The following DOCK8 variants were observed in gnomAD, a reference collection of about 807,000 sequenced individuals.
The protein encoded by DOCK8 is dedicator of cytokinesis protein 8.
Under a neutral mutation model 245.6 loss-of-function variants are expected in DOCK8, and 141 were observed. The observed-to-expected ratio is 0.57, with a 90% CI of 0.50 to 0.66. The LOEUF is 0.66. Among genes scored for constraint, DOCK8 ranks in the 30% least tolerant of loss-of-function variants. The pLI is 0.00. For missense variants in DOCK8, 2,965 were observed against 2,603.4 expected (o/e 1.14, Z -3.02); for synonymous variants, 1,168 against 970.2 (o/e 1.20, Z -3.79).
At chr9:230,302 G>T (rs1290443864) in intron 1 of DOCK8, among the ~76,000 whole-genome samples, 1 of 69,272 alleles carries the variant, frequency 1.4e-5, no homozygotes. Context: ...CCAGTCTATC[G>T]TTGGGCATTT....
chr9:411,868 T>C (rs2055747570), intron 28 of DOCK8, among the ~76,000 whole-genome samples: 1 of 152,176 alleles, frequency 6.6e-6, no homozygotes, highest in South Asian at 2.1e-4. Context: ...AAGAAAAGCA[T>C]TTAATAAAAT....
chr9:403,709 C>CA (rs980154278), intron 26 of DOCK8, among the ~76,000 whole-genome samples: 40 of 151,286 alleles, frequency 2.6e-4, no homozygotes, highest in African/African-American at 8.7e-4. Flanking sequence ...ACTAAAAATA[C>CA]AAAAAATTAG....
intron 28 of DOCK8, among the ~76,000 whole-genome samples, chr9:410,087 A>G (rs536204520): frequency 6.6e-6 from 1 of 152,324 alleles, no homozygotes; most frequent in South Asian, 2.1e-4. Context: ...TTGAACATCT[A>G]TGACTAGGTT....
chr9:302,163 T>C (rs182852411), intron 4 of DOCK8, among the ~76,000 whole-genome samples: 15 of 152,142 alleles, frequency 9.9e-5, no homozygotes, highest in African/African-American at 3.4e-4. Flanking sequence ...CGTAGACCAA[T>C]AGAACAAGAT....
At chr9:279,731 G>C (rs2048500324) in intron 2 of DOCK8, among the ~76,000 whole-genome samples, 1 of 152,196 alleles carries the variant, frequency 6.6e-6, no homozygotes, top group Non-Finnish European at 1.5e-5. Context: ...TGTCTGTTGT[G>C]AACAGCCAAG....
intron 44 of DOCK8, among the ~76,000 whole-genome samples, chr9:447,874 CAG>C (rs1443227205): frequency 1.3e-5 from 2 of 152,210 alleles, no homozygotes; most frequent in Admixed American, 1.3e-4. Context: ...AAGCCTGAAG[CAG>C]TGACTCAGTC....
chr9:379,435 GT>G (rs2053649206), intron 20 of DOCK8, among the ~76,000 whole-genome samples: 2 of 152,160 alleles, frequency 1.3e-5, no homozygotes, highest in African/African-American at 4.8e-5. Flanking sequence ...TAGCAAGCAG[GT>G]GATAGTGGTC....
chr9:284,242 A>G (rs996348224), intron 2 of DOCK8: 2 of 152,372 alleles, frequency 1.3e-5, no homozygotes, highest in East Asian at 1.9e-4. Context: ...TGTCTTGTGC[A>G]TAGATGGTGT....
At chr9:270,383 A>T (rs1030128034) in intron 1 of DOCK8, among the ~76,000 whole-genome samples, 3 of 152,176 alleles carry the variant, frequency 2.0e-5, no homozygotes, top group Admixed American at 2.0e-4. Flanking sequence ...GCCGTGAGTT[A>T]TGTGCCCACT....
At chr9:451,973 A>ATGTGTG in intron 45 of DOCK8, 38 bp from the exon 46 acceptor site, 1 of 369,370 alleles carries the variant, frequency 2.7e-6, no homozygotes, top group Non-Finnish European at 4.4e-6. Context: ...ATATATATAT[A>ATGTGTG]TATATTTTTT....
chr9:454,793 A>C (rs2057582961), intron 46 of DOCK8, among the ~76,000 whole-genome samples: 1 of 152,144 alleles, frequency 6.6e-6, no homozygotes, highest in Non-Finnish European at 1.5e-5. Context: ...CCATGACACC[A>C]CCTAGGTAAA....
Position 386,503 on chromosome 9 carries a change from G to C in DOCK8, c.2874+77G>C, listed in dbSNP as rs2053961123. 1.6e-5 allele frequency: 21 copies of C among 1,322,342 alleles called. 1 individual carries two copies. The South Asian group carries it at 2.3e-4, about 15-fold the overall frequency. The allele number at this position is 1,322,342 out of a possible 1,614,324, so 81.9% of individuals were successfully genotyped here. A position where few individuals can be genotyped will look rare whatever the true frequency, so the allele number is the denominator to read the frequency against. ...TCCTCATGCCCTCACACTGTGCTTG[G>C]GAATAGTCAAAGTGCTCCCCTGCCT... On this transcript the variant is annotated intron_variant, in intron 23 of 47. Transcript: ENST00000432829.
intron 39 of DOCK8, among the ~76,000 whole-genome samples, chr9:437,920 T>C (rs773784623): frequency 6.6e-6 from 1 of 152,218 alleles, no homozygotes; most frequent in Non-Finnish European, 1.5e-5. Flanking sequence ...CTACATAGCT[T>C]CAAATCTGTT....
chr9:390,599 A>G lies in DOCK8; in HGVS notation c.2970+33A>G, dbSNP rs150256811. 582 of 1,591,628 alleles carry G rather than the reference A, an allele frequency of 3.7e-4. 8 individuals are homozygous for G. The East Asian group carries it at 0.01, about 27-fold the overall frequency. On this transcript the variant is annotated intron_variant, in intron 24 of 47. Coordinates refer to ENST00000432829, the MANE Select transcript of DOCK8 (RefSeq NM_203447.4). ...TCTTGCGCGTTTGTATCTGTGCTCA[A>G]TAGGCCAAGAGAAGCACACAGCAGA...
chr9:273,077 C>T (rs1289325163), intron 2 of DOCK8: 24 of 985,258 alleles, frequency 2.4e-5, no homozygotes, highest in East Asian at 1.1e-4. Flanking sequence ...ATTTACGCGC[C>T]GTGTAACTGT....
intron 1 of DOCK8, among the ~76,000 whole-genome samples, chr9:226,450 G>A (rs576465899): frequency 7.2e-5 from 11 of 152,238 alleles, no homozygotes; most frequent in African/African-American, 2.4e-4. Flanking sequence ...GTGTTTAAAA[G>A]ATCTATTGTA....
intron 1 of DOCK8, among the ~76,000 whole-genome samples, chr9:232,043 A>C (rs2047129933): frequency 6.6e-6 from 1 of 152,158 alleles, no homozygotes. Flanking sequence ...TGTCATAGAT[A>C]GCTCTTATTA....
intron 6 of DOCK8, among the ~76,000 whole-genome samples, chr9:316,336 A>T (rs1222179341): frequency 6.6e-6 from 1 of 152,244 alleles, no homozygotes; most frequent in Non-Finnish European, 1.5e-5. Flanking sequence ...TAATTAACAT[A>T]GAATGATAGT....
At chr9:392,261 A>G (rs2054234647) in intron 24 of DOCK8, among the ~76,000 whole-genome samples, 1 of 152,182 alleles carries the variant, frequency 6.6e-6, no homozygotes, top group Non-Finnish European at 1.5e-5. Context: ...GACACAGAGA[A>G]CAAAGGGCAA....
Sources: gnomAD v4.1 joint callset for allele counts (sites outside exome capture counted in the v4.1 genomes callset) on GRCh38, gnomAD v4.1.1 for gene constraint, MANE v1.5 for transcripts, NCBI Gene and HGNC (gene_info 2026-07-23, HGNC 2026-07-21) for gene names.